IGF2R: variants seen among roughly 807,000 people sequenced by gnomAD.
The protein encoded by IGF2R is insulin like growth factor 2 receptor.
A neutral mutation model predicts 270.6 loss-of-function variants in IGF2R; 91 were observed. That is an observed-to-expected ratio of 0.34 (90% CI 0.28 to 0.40). The LOEUF (loss-of-function observed/expected upper bound fraction) is 0.40. Among genes scored for constraint, IGF2R ranks in the 10% least tolerant of loss-of-function variants. The pLI is 1.00. For missense variants in IGF2R, 2,805 were observed against 3,188.3 expected (o/e 0.88, Z 2.90); for synonymous variants, 1,316 against 1,258.9 (o/e 1.05, Z -0.96).
chr6:160,040,090 GT>G (rs1439862140), intron 10 of IGF2R, among the ~76,000 whole-genome samples: 1 of 152,168 alleles, frequency 6.6e-6, no homozygotes, highest in Non-Finnish European at 1.5e-5. Flanking sequence ...TTAGGGATGA[GT>G]CCCAGAGAAC....
At position 160,024,598 on chromosome 6, in the gene IGF2R, G is replaced by T; in HGVS notation, c.540G>T (p.Glu180Asp). The change falls in exon 5 of 48, where the codon GAG becomes GAT. Residue 180 changes from glutamate (E) to aspartate (D), a missense_variant. This residue lies in a region of IGF2R where 954 missense variants were observed against 981.1 expected (regional missense o/e 0.97). Transcript: ENST00000356956. ...TGCCATGCTATGTGTTTGATGAAGA[G>T]TTGAGGAAGCATGATCTCAATCCTC... ...KEVPCYVFDEELRKHDLNPLI... is the reference protein window; with the variant it reads ...KEVPCYVFDEDLRKHDLNPLI... 6.2e-7 allele frequency: 1 copy of T among 1,614,066 alleles called. No individual in the cohort carries two copies. The highest frequency in any genetic ancestry group is 8.5e-7 in the Non-Finnish European group (1 of 1,179,986).
chr6:160,001,049 T>A (rs899782605), intron 2 of IGF2R, among the ~76,000 whole-genome samples: 3 of 152,006 alleles, frequency 2.0e-5, no homozygotes, highest in Non-Finnish European at 4.4e-5. Flanking sequence ...GTATGAGTTT[T>A]AAAGTGCCCT....
chr6:159,972,639 G>A (rs1438809907), intron 1 of IGF2R, among the ~76,000 whole-genome samples: 1 of 152,206 alleles, frequency 6.6e-6, no homozygotes, highest in Non-Finnish European at 1.5e-5. Flanking sequence ...GGGTGCCTGC[G>A]AGGCACCTTG....
intron 45 of IGF2R, among the ~76,000 whole-genome samples, chr6:160,101,782 T>G (rs1452017427): frequency 2.0e-5 from 3 of 152,242 alleles, no homozygotes; most frequent in African/African-American, 7.2e-5. Flanking sequence ...TCTCCGTGGT[T>G]GTTTCTCATT....
rs934206185 is a variant in IGF2R, at chr6:160,081,051, G to A, written c.5833+776G>A. On this transcript the variant is annotated intron_variant, in intron 39 of 47. Transcript: ENST00000356956. ...TGAGGCAGGAGGATGGTGTGTACCC[G>A]GGAGGCGGAGCTTGCAGTGAGCCGA... Among the ~76,000 whole-genome samples the A allele has an allele frequency of 5.9e-5, 9 of 151,668 alleles. No individual in the cohort carries two copies. The South Asian group carries it at 8.3e-4, about 14-fold the overall frequency.
At chr6:160,025,599 A>G (rs1777542970) in intron 5 of IGF2R, among the ~76,000 whole-genome samples, 1 of 152,134 alleles carries the variant, frequency 6.6e-6, no homozygotes, top group African/African-American at 2.4e-5. Flanking sequence ...TTGTTTATGT[A>G]TTATTTCTAA....
At chr6:160,062,253 A>C (rs1222518663) in intron 25 of IGF2R, among the ~76,000 whole-genome samples, 3 of 144,642 alleles carry the variant, frequency 2.1e-5, no homozygotes, top group Non-Finnish European at 4.5e-5. Context: ...GGCTCACTGC[A>C]ACCTCCGCCC....
chr6:160,005,894 C>T lies in IGF2R; in HGVS notation c.290-3116C>T, dbSNP rs1366142189. 5.7e-5 allele frequency: 9 copies of T among 156,530 alleles called. No homozygotes were observed. The East Asian group carries it at 1.2e-3, about 20-fold the overall frequency. 9.7% of individuals were successfully genotyped at this position (156,530 alleles called of 1,614,324 possible). On this transcript the variant is annotated intron_variant, in intron 2 of 47. Transcript: ENST00000356956. Reference sequence around the variant, plus strand: ...GCATCCTGGGCCTCTTGCGCCTCCCCGGTCCTCAGCGCCTCCTCGGCCGCC... The same window carrying T: ...GCATCCTGGGCCTCTTGCGCCTCCCTGGTCCTCAGCGCCTCCTCGGCCGCC...
At chr6:160,086,790 C>G (rs1779106032) in intron 41 of IGF2R, among the ~76,000 whole-genome samples, 1 of 152,192 alleles carries the variant, frequency 6.6e-6, no homozygotes, top group Non-Finnish European at 1.5e-5. Context: ...GCCCTCAGTA[C>G]CTCAGCCTGT....
chr6:160,099,722 C>G (rs999482487), intron 45 of IGF2R, among the ~76,000 whole-genome samples: 2 of 152,138 alleles, frequency 1.3e-5, no homozygotes, highest in Admixed American at 1.3e-4. Context: ...CGAGGACCTC[C>G]CATAGTCGCT....
At chr6:160,000,838 C>T (rs1018222381) in intron 2 of IGF2R, among the ~76,000 whole-genome samples, 4 of 145,914 alleles carry the variant, frequency 2.7e-5, no homozygotes, top group East Asian at 2.2e-4. Context: ...TGGGTTTAAG[C>T]GATTCTCCTG....
chr6:160,070,468 G>T (rs1778694513), intron 31 of IGF2R, among the ~76,000 whole-genome samples: 1 of 152,194 alleles, frequency 6.6e-6, no homozygotes, highest in South Asian at 2.1e-4. Context: ...CAGGTAGTCT[G>T]CCCTGCTCAG....
Position 160,067,385 on chromosome 6 carries a change from C to G in IGF2R, c.4116-864C>G, listed in dbSNP as rs75786396. Among the ~76,000 whole-genome samples the G allele has an allele frequency of 2.2e-3, 341 of 152,080 alleles. 2 individuals carry two copies. Among genetic ancestry groups the G allele is most frequent in the Admixed American group, 0.013 (196 of 15,268 alleles). On this transcript the variant is annotated intron_variant, in intron 29 of 47. Coordinates refer to ENST00000356956, the MANE Select transcript of IGF2R (RefSeq NM_000876.4). ...GCCTCTGCCCCCCGAACTTCATATC[C>G]CCCTTATCTGCCTTTTTTCCTTCAG... is the stretch of plus-strand genomic sequence containing the variant.
chr6:160,021,533 T>C (rs1777434978), intron 4 of IGF2R, among the ~76,000 whole-genome samples: 1 of 151,084 alleles, frequency 6.6e-6, no homozygotes, highest in Admixed American at 6.6e-5. Context: ...ACATGGCACA[T>C]GTATACATAT....
rs8191704 is a variant in IGF2R, at chr6:159,991,306, G to T, written c.272G>T (p.Arg91Leu). The stretch of plus-strand genomic sequence containing the variant: ...GTTTGTATGCACGACTTGAAGACAC[G>T]CACTTATCATTCAGTGGGTAAGTAG... ...SAVCMHDLKT[R>L]TYHSVGDSVL... is the part of the protein sequence containing the mutation. Residue 91 changes from arginine to leucine, a missense_variant, in exon 2 of 48, where the codon CGC becomes CTC. Physicochemically the swap from Arg to Leu is moderately radical, Grantham distance 102. Around this residue, in one of 2 missense-constraint regions of IGF2R, gnomAD observed 954 missense variants for 981.1 expected, o/e 0.97. Transcript: ENST00000356956. 12 of 1,610,688 alleles carry T rather than the reference G, an allele frequency of 7.5e-6. No individual in the cohort carries two copies. Among genetic ancestry groups the T allele is most frequent in the Admixed American group, 3.4e-5 (2 of 59,344 alleles).
At chr6:160,070,987 C>T (rs907378304) in intron 31 of IGF2R, among the ~76,000 whole-genome samples, 4 of 152,192 alleles carry the variant, frequency 2.6e-5, no homozygotes, top group African/African-American at 9.7e-5. Flanking sequence ...AAAGGGCTGC[C>T]CCACATGTGG....
intron 1 of IGF2R, among the ~76,000 whole-genome samples, chr6:159,970,445 T>TGG (rs8191694): frequency 0.027 from 4,166 of 151,690 alleles, 185 homozygotes; most frequent in African/African-American, 0.096. Flanking sequence ...GTAGGGTTTA[T>TGG]GGGGGGGGTT....
At chr6:160,043,712 C>T (rs573515040) in intron 12 of IGF2R, among the ~76,000 whole-genome samples, 160 of 152,332 alleles carry the variant, frequency 1.1e-3, no homozygotes, top group African/African-American at 3.5e-3. Flanking sequence ...TTGCATGCTT[C>T]GCTTCCTTTT....
chr6:160,104,972 G>C lies in IGF2R; in HGVS notation c.7364G>C (p.Arg2455Thr). ...EREDDRVGLV[R>T]GEKARKGKSS... is the part of the protein sequence containing the mutation. The stretch of plus-strand genomic sequence containing the variant: ...GAGGACGATAGGGTGGGGCTGGTCA[G>C]GGGTGAGAAGGCGAGGAAAGGGAAG... Residue 2455 changes from arginine (R) to threonine (T), a missense_variant, in exon 48 of 48, where the codon AGG becomes ACG. Physicochemically the swap from Arg to Thr is moderately conservative, Grantham distance 71 (BLOSUM62 -1). This residue lies in a region of IGF2R where 1,851 missense variants were observed against 2,207.2 expected (regional missense o/e 0.84). Coordinates refer to ENST00000356956, the MANE Select transcript of IGF2R (RefSeq NM_000876.4). The C allele has an allele frequency of 6.2e-7, 1 of 1,614,054 alleles. No individual in the cohort carries two copies. Among genetic ancestry groups the C allele is most frequent in the Non-Finnish European group, 8.5e-7 (1 of 1,180,014 alleles).
Sources: allele counts gnomAD v4.1 joint callset (sites outside exome capture counted in the v4.1 genomes callset), GRCh38; gene constraint gnomAD v4.1.1; regional missense constraint gnomAD v4.1.1; transcripts MANE v1.5; gene names NCBI Gene and HGNC (gene_info 2026-07-23, HGNC 2026-07-21).